ZNF280D: variants seen among roughly 807,000 people sequenced by gnomAD.
ZNF280D encodes the protein zinc finger protein 280D, also known as suppressor of hairy wing homolog 4.
In ZNF280D, 39 loss-of-function variants were observed where a neutral mutation model predicts 94.7. The ratio of observed to expected loss-of-function variants is 0.41; its 90% confidence interval spans 0.32 to 0.54. The LOEUF (loss-of-function observed/expected upper bound fraction) is 0.54. ZNF280D is among the 20% of genes least tolerant of loss of function. The pLI, the probability that ZNF280D is intolerant of heterozygous loss-of-function variation, is 0.22. For missense variants in ZNF280D, 1,090 were observed against 1,149.3 expected, an observed-to-expected ratio of 0.95 and a Z score of 0.75; for synonymous variants, 398 against 377.6, an observed-to-expected ratio of 1.05 and a Z score of -0.63.
chr15:56,651,968 G>A (rs912399623), intron 19 of ZNF280D, among the ~76,000 whole-genome samples: 3 of 149,884 alleles, frequency 2.0e-5, no homozygotes, highest in South Asian at 2.2e-4. Flanking sequence ...AATGGAAAAA[G>A]TTATTGTTTC....
intron 17 of ZNF280D, among the ~76,000 whole-genome samples, chr15:56,656,142 A>G (rs1566941448): frequency 6.6e-6 from 1 of 152,184 alleles, no homozygotes; most frequent in Non-Finnish European, 1.5e-5. Context: ...CCCACCCAAT[A>G]AACTGTACTG....
chr15:56,642,247 G>A (rs903742940), intron 20 of ZNF280D, among the ~76,000 whole-genome samples: 9 of 151,700 alleles, frequency 5.9e-5, no homozygotes, highest in African/African-American at 1.7e-4. Flanking sequence ...AACTTTCTAT[G>A]GTACAAAAGA....
intron 19 of ZNF280D, among the ~76,000 whole-genome samples, chr15:56,646,487 G>A (rs187374443): frequency 1.3e-5 from 2 of 152,210 alleles, no homozygotes; most frequent in East Asian, 3.9e-4. Context: ...CATTCACTGA[G>A]ACATTCAGGG....
intron 21 of ZNF280D, 55 bp from the exon 22 acceptor site, chr15:56,632,177 ACT>A: frequency 7.2e-7 from 1 of 1,395,376 alleles, no homozygotes; most frequent in South Asian, 1.5e-5. Flanking sequence ...GTTTTTGAAC[ACT>A]GTCAAAATAA....
rs780672166 is a variant in ZNF280D, at chr15:56,632,017, A to G, written c.2421T>C (p.Asp807=). 6.2e-7 allele frequency: 1 copy of G among 1,613,950 alleles called. No individual in the cohort carries two copies. The highest frequency in any genetic ancestry group is 1.1e-5 in the South Asian group (1 of 91,064). Residue 807 remains aspartate (D), a synonymous_variant, in exon 22 of 22, where the codon GAT becomes GAC. Coordinates refer to ENST00000267807, the MANE Select transcript of ZNF280D (RefSeq NM_017661.4). ...TKSEESITVS[D]KENETCLADQ... is the part of the protein sequence containing the mutation. ...CTGCAAGACAGGTTTCATTTTCCTT[A>G]TCTGAAACTGTTATGCTTTCTTCAC...
intron 4 of ZNF280D, among the ~76,000 whole-genome samples, chr15:56,702,615 T>C (rs1482449938): frequency 6.6e-6 from 1 of 152,154 alleles, no homozygotes; most frequent in Non-Finnish European, 1.5e-5. Flanking sequence ...AATTTTGCAA[T>C]ATAATATTTC....
chr15:56,658,467 T>G lies in ZNF280D; in HGVS notation c.2014A>C (p.Ser672Arg). Reference sequence around the variant, plus strand: ...TTCTTAAAAATACAAAACCTTTTGCTTGGACGGTTACTATGAAAGCTGGAG... The same window carrying G: ...TTCTTAAAAATACAAAACCTTTTGCGTGGACGGTTACTATGAAAGCTGGAG... Reference protein sequence around the residue: ...HMMSFHSNRPSKRFCIFKKHS... With the variant: ...HMMSFHSNRPRKRFCIFKKHS... Residue 672 changes from serine (S) to arginine (R), a missense_variant, in exon 17 of 22, where the codon AGC becomes CGC. Physicochemically the swap from Ser to Arg is moderately radical, Grantham distance 110. Coordinates refer to ENST00000267807, the MANE Select transcript of ZNF280D (RefSeq NM_017661.4). The G allele has an allele frequency of 6.3e-7, 1 of 1,583,756 alleles. No homozygotes were observed. The highest frequency in any genetic ancestry group is 8.5e-7 in the Non-Finnish European group (1 of 1,169,678).
chr15:56,693,307 T>A, intron 6 of ZNF280D, 92 bp from the exon 7 acceptor site: 1 of 338,124 alleles, frequency 3.0e-6, no homozygotes, highest in Non-Finnish European at 4.8e-6. Flanking sequence ...TATATAATTA[T>A]ATAAGAATTT....
At chr15:56,720,766 G>A (rs928753022) in intron 1 of ZNF280D, among the ~76,000 whole-genome samples, 2 of 152,206 alleles carry the variant, frequency 1.3e-5, no homozygotes, top group East Asian at 3.9e-4. Context: ...GAGCTCTTGG[G>A]TGACTAGATG....
rs748463197 is a variant in ZNF280D, at chr15:56,654,439, C to A, written c.2122G>T (p.Ala708Ser). Residue 708 changes from alanine (A) to serine (S), a missense_variant, in exon 18 of 22, where the codon GCT (alanine) becomes TCT (serine). Coordinates refer to ENST00000267807, the MANE Select transcript of ZNF280D (RefSeq NM_017661.4). ...GTTTTATGTTGACTTAAGTGTGTAGCCATATTATCTAAGCCAGAAACATCA... is the reference window on the plus strand; with the variant it reads ...GTTTTATGTTGACTTAAGTGTGTAGACATATTATCTAAGCCAGAAACATCA... ...LSDVSGLDNMATHLSQHKTHT... is the reference protein window; with the variant it reads ...LSDVSGLDNMSTHLSQHKTHT... The A allele has an allele frequency of 6.2e-7, 1 of 1,611,884 alleles. No individual in the cohort carries two copies. Among genetic ancestry groups the A allele is most frequent in the African/African-American group, 1.3e-5 (1 of 74,724 alleles).
At chr15:56,690,909 T>G (rs764567193) in intron 7 of ZNF280D, among the ~76,000 whole-genome samples, 1 of 152,192 alleles carries the variant, frequency 6.6e-6, no homozygotes, top group African/African-American at 2.4e-5. Context: ...TCTCTAGTTA[T>G]GTTAACTAGT....
intron 1 of ZNF280D, among the ~76,000 whole-genome samples, 159 bp downstream of exon 1, chr15:56,733,299 G>T (rs948824080): frequency 3.9e-4 from 59 of 152,120 alleles, no homozygotes; most frequent in African/African-American, 1.4e-3. Context: ...GGCCGCCGCC[G>T]CGCAGCCGGT....
intron 21 of ZNF280D, among the ~76,000 whole-genome samples, chr15:56,633,263 TCTG>T (rs1403063822): frequency 3.3e-5 from 5 of 152,228 alleles, no homozygotes; most frequent in African/African-American, 9.6e-5. Context: ...AGGCTATTTC[TCTG>T]CTATTTGTTT....
chr15:56,636,180 T>C (rs2052342644), intron 20 of ZNF280D, among the ~76,000 whole-genome samples: 1 of 152,140 alleles, frequency 6.6e-6, no homozygotes, highest in Non-Finnish European at 1.5e-5. Context: ...AGTATACTAA[T>C]TGCTAAACAG....
chr15:56,726,914 T>C (rs1240777684), intron 1 of ZNF280D, among the ~76,000 whole-genome samples: 1 of 152,136 alleles, frequency 6.6e-6, no homozygotes, highest in African/African-American at 2.4e-5. Context: ...CAATTTTTAT[T>C]AATATTGACA....
rs758412211 is a variant in ZNF280D, at chr15:56,676,742, G to C, written c.1338C>G (p.Asn446Lys). The C allele has an allele frequency of 8.1e-6, 13 of 1,612,082 alleles. No individual in the cohort carries two copies. Among genetic ancestry groups the C allele is most frequent in the Non-Finnish European group, 1.1e-5 (13 of 1,178,570 alleles). Residue 446 changes from asparagine (N) to lysine (K), a missense_variant, in exon 13 of 22, where the codon AAC becomes AAG. Asn to Lys is a moderately conservative substitution (Grantham distance 94). Coordinates refer to ENST00000267807, the MANE Select transcript of ZNF280D (RefSeq NM_017661.4). ...HFRTSHENTK[N>K]LLCPFCLKVI... Reference sequence around the variant, plus strand: ...CTTTGAGGCAAAACGGGCATAGCAAGTTCTTAGTGTTTTCATGGGATGTTC... The same window carrying C: ...CTTTGAGGCAAAACGGGCATAGCAACTTCTTAGTGTTTTCATGGGATGTTC...
intron 3 of ZNF280D, among the ~76,000 whole-genome samples, chr15:56,706,578 T>A (rs1445655813): frequency 6.6e-6 from 1 of 151,934 alleles, no homozygotes; most frequent in African/African-American, 2.4e-5. Flanking sequence ...AAGAAATCAA[T>A]CCTAACGACA....
In ZNF280D at chr15:56,731,490, G is replaced by A. The variant is rs1214041598; in HGVS notation, c.-86+1968C>T. ...CCACAGCGCTCCATCCTGGGACACAGAGCAAGTACCTATCTCAAAAAAAAA... is the reference window on the plus strand; with the variant it reads ...CCACAGCGCTCCATCCTGGGACACAAAGCAAGTACCTATCTCAAAAAAAAA... On this transcript the variant is annotated intron_variant, in intron 1 of 21. Transcript: ENST00000267807. 1.6e-4 allele frequency among the ~76,000 whole-genome samples: 19 copies of A among 115,952 alleles called. No individual in the cohort carries two copies. In the Admixed American group the frequency reaches 2.2e-3, roughly 13 times the overall value. The allele number at this position is 115,952 out of a possible 152,430, so 76.1% of individuals were successfully genotyped here. A position where few individuals can be genotyped will look rare whatever the true frequency, so the allele number is the denominator to read the frequency against.
At chr15:56,653,984 T>C in intron 19 of ZNF280D, 2 of 1,421,854 alleles carry the variant, frequency 1.4e-6, no homozygotes, top group Non-Finnish European at 1.8e-6. Flanking sequence ...TAAGAAAACA[T>C]CTCAGAACTT....
Sources: allele counts gnomAD v4.1 joint callset (sites outside exome capture counted in the v4.1 genomes callset), GRCh38; gene constraint gnomAD v4.1.1; transcripts MANE v1.5; gene names NCBI Gene and HGNC (gene_info 2026-07-23, HGNC 2026-07-21).